GPC5: variants seen among roughly 807,000 people sequenced by gnomAD.
GPC5 encodes the protein glypican-5.
In GPC5, 47 loss-of-function variants were observed where a neutral mutation model predicts 53.9. That is an observed-to-expected ratio of 0.87 (90% CI 0.69 to 1.11). GPC5 has a LOEUF of 1.11. GPC5 is among the 50% of genes most tolerant of loss of function. GPC5 has a pLI of 0.00. For missense variants in GPC5, 748 were observed against 713.1 expected, an observed-to-expected ratio of 1.05 and a Z score of -0.56; for synonymous variants, 286 against 263.3, an observed-to-expected ratio of 1.09 and a Z score of -0.84.
At chr13:92,206,390 C>A (rs1009408681) in intron 7 of GPC5, among the ~76,000 whole-genome samples, 1 of 151,390 alleles carries the variant, frequency 6.6e-6, no homozygotes, top group Admixed American at 6.6e-5. Context: ...TGGTCTCGAT[C>A]TCCTGACCTC....
chr13:92,487,266 G>A (rs534343211), intron 7 of GPC5, among the ~76,000 whole-genome samples: 1 of 152,280 alleles, frequency 6.6e-6, no homozygotes, highest in African/African-American at 2.4e-5. Context: ...ATTCCCTAAG[G>A]TGAGAAACTG....
At chr13:92,020,234 A>G (rs1023934512) in intron 6 of GPC5, among the ~76,000 whole-genome samples, 3 of 152,008 alleles carry the variant, frequency 2.0e-5, no homozygotes, top group Non-Finnish European at 2.9e-5. Context: ...TAATCTCCCT[A>G]TTTTAAACTC....
intron 7 of GPC5, among the ~76,000 whole-genome samples, chr13:92,153,748 T>C (rs1277850056): frequency 1.3e-5 from 2 of 152,356 alleles, no homozygotes; most frequent in East Asian, 3.9e-4. Context: ...CAGTTTCTAC[T>C]GCTCCCCATC....
At chr13:92,306,706 G>A (rs941716582) in intron 7 of GPC5, among the ~76,000 whole-genome samples, 4 of 152,216 alleles carry the variant, frequency 2.6e-5, no homozygotes, top group African/African-American at 9.6e-5. Context: ...TTACCTTGGA[G>A]CTTGATTGTT....
At chr13:92,594,558 T>G (rs1883807898) in intron 7 of GPC5, among the ~76,000 whole-genome samples, 1 of 152,204 alleles carries the variant, frequency 6.6e-6, no homozygotes, top group African/African-American at 2.4e-5. Flanking sequence ...TTTTGAGGGT[T>G]GTGATCCTAT....
intron 6 of GPC5, among the ~76,000 whole-genome samples, chr13:92,123,571 A>G (rs2041668879): frequency 6.6e-6 from 1 of 152,096 alleles, no homozygotes; most frequent in Admixed American, 6.5e-5. Flanking sequence ...AATGCCTGAT[A>G]CCTTTTTTTG....
intron 2 of GPC5, among the ~76,000 whole-genome samples, chr13:91,556,130 AT>A (rs1249050492): frequency 6.6e-6 from 1 of 151,674 alleles, no homozygotes. Context: ...CATTTCAATT[AT>A]TTTCTCATTT....
At chr13:92,652,284 T>C (rs1014872441) in intron 7 of GPC5, among the ~76,000 whole-genome samples, 1 of 152,204 alleles carries the variant, frequency 6.6e-6, no homozygotes, top group Non-Finnish European at 1.5e-5. Context: ...TAATGTGACA[T>C]CAAGTGTCTT....
At chr13:92,303,387 A>G (rs1159647228) in intron 7 of GPC5, among the ~76,000 whole-genome samples, 1 of 152,208 alleles carries the variant, frequency 6.6e-6, no homozygotes, top group South Asian at 2.1e-4. Flanking sequence ...TCATTCTGAA[A>G]TAGACCAAAC....
chr13:92,841,443 A>T (rs1260744015), intron 7 of GPC5, among the ~76,000 whole-genome samples: 4 of 152,162 alleles, frequency 2.6e-5, no homozygotes, highest in African/African-American at 9.6e-5. Context: ...TATTTTTAAT[A>T]CTAATCAGTA....
chr13:92,016,038 T>A (rs750518697), intron 6 of GPC5, among the ~76,000 whole-genome samples: 5 of 151,682 alleles, frequency 3.3e-5, no homozygotes, highest in African/African-American at 1.2e-4. Context: ...GTTTTTATTC[T>A]GATACACATC....
At chr13:92,658,933 T>TTTTTG (rs1555299955) in intron 7 of GPC5, 9 of 134,618 alleles carry the variant, frequency 6.7e-5, no homozygotes, top group African/African-American at 1.9e-4. Context: ...TGTTTTTTTT[T>TTTTTG]TTTTTTTTTT....
At chr13:92,426,265 T>C (rs1876828999) in intron 7 of GPC5, among the ~76,000 whole-genome samples, 1 of 152,074 alleles carries the variant, frequency 6.6e-6, no homozygotes, top group African/African-American at 2.4e-5. Context: ...CTCTATATTA[T>C]ACCCATGGTG....
chr13:92,494,831 C>T (rs896852837), intron 7 of GPC5, among the ~76,000 whole-genome samples: 1 of 152,150 alleles, frequency 6.6e-6, no homozygotes, highest in Admixed American at 6.5e-5. Flanking sequence ...TTCCTCTTTT[C>T]CTACATGTTT....
chr13:92,466,862 C>T (rs78988936), intron 7 of GPC5, among the ~76,000 whole-genome samples: 1 of 152,080 alleles, frequency 6.6e-6, no homozygotes, highest in East Asian at 1.9e-4. Flanking sequence ...CAAACAATCC[C>T]GATGTATTCA....
At chr13:91,472,656 A>G (rs960269619) in intron 2 of GPC5, among the ~76,000 whole-genome samples, 21 of 152,206 alleles carry the variant, frequency 1.4e-4, no homozygotes, top group African/African-American at 4.1e-4. Flanking sequence ...ACTGTTTGTA[A>G]ATATGTAAAT....
intron 2 of GPC5, among the ~76,000 whole-genome samples, chr13:91,469,243 G>A (rs1882450290): frequency 1.3e-5 from 2 of 151,698 alleles, no homozygotes; most frequent in Admixed American, 6.6e-5. Context: ...TGAGTAGCCG[G>A]GATTACAGAC....
intron 7 of GPC5, among the ~76,000 whole-genome samples, chr13:92,162,111 G>A (rs1189987588): frequency 2.0e-5 from 3 of 146,354 alleles, no homozygotes; most frequent in South Asian, 4.4e-4. Context: ...ATATTCTATG[G>A]AATCCTGTTT....
At chr13:91,823,069 A>C (rs2038520907) in intron 5 of GPC5, among the ~76,000 whole-genome samples, 1 of 152,114 alleles carries the variant, frequency 6.6e-6, no homozygotes, top group South Asian at 2.1e-4. Context: ...AGTCAGTATC[A>C]CTATAGTATG....
Sources: gnomAD v4.1 joint callset for allele counts (sites outside exome capture counted in the v4.1 genomes callset) on GRCh38, gnomAD v4.1.1 for gene constraint, MANE v1.5 for transcripts, NCBI Gene and HGNC (gene_info 2026-07-23, HGNC 2026-07-21) for gene names.